SLC24A3: variants seen among roughly 807,000 people sequenced by gnomAD.
SLC24A3 encodes solute carrier family 24 member 3.
SLC24A3 carries 28 observed loss-of-function variants against 75.8 expected under a neutral mutation model. That is an observed-to-expected ratio of 0.37 (90% CI 0.27 to 0.51). The LOEUF is 0.51. Ranked by LOEUF, SLC24A3 falls within the 20% of genes least tolerant of loss-of-function variation. SLC24A3 has a pLI of 0.94. For missense variants in SLC24A3, 663 were observed against 847.8 expected (o/e 0.78, Z 2.71); for synonymous variants, 372 against 334.1 (o/e 1.11, Z -1.24).
chr20:19,712,396 C>G (rs1181785900), intron 15 of SLC24A3, among the ~76,000 whole-genome samples: 2 of 151,964 alleles, frequency 1.3e-5, no homozygotes, highest in African/African-American at 4.8e-5. Context: ...ATGCCCCAAC[C>G]CAAGCACAAG....
intron 2 of SLC24A3, among the ~76,000 whole-genome samples, chr20:19,405,848 T>C (rs1324619771): frequency 1.3e-5 from 2 of 152,198 alleles, no homozygotes; most frequent in African/African-American, 4.8e-5. Context: ...TTTTGGCAGG[T>C]GTAGAAGGAA....
chr20:19,304,207 C>A lies in SLC24A3; in HGVS notation c.271+23120C>A, dbSNP rs1318915279. On this transcript the variant is annotated intron_variant, in intron 2 of 16. Transcript: ENST00000328041. Reference sequence around the variant, plus strand: ...ACATTAATCAAGTTTTACAAATTTACCAAAAGATGTTCTAATTTCTGCTAC... The same window carrying A: ...ACATTAATCAAGTTTTACAAATTTAACAAAAGATGTTCTAATTTCTGCTAC... Among the ~76,000 whole-genome samples the A allele has an allele frequency of 2.6e-5, 4 of 152,132 alleles. No individual in the cohort carries two copies. In the East Asian group the frequency reaches 7.7e-4, roughly 29 times the overall value.
intron 1 of SLC24A3, 49 bp from the exon 2 acceptor site, chr20:19,280,910 C>T (rs1367673001): frequency 6.3e-7 from 1 of 1,597,458 alleles, no homozygotes; most frequent in South Asian, 1.1e-5. Context: ...TCGGCAGAGG[C>T]TGAAACCCAG....
chr20:19,370,548 G>C (rs1985974638), intron 2 of SLC24A3, among the ~76,000 whole-genome samples: 1 of 152,236 alleles, frequency 6.6e-6, no homozygotes, highest in Non-Finnish European at 1.5e-5. Flanking sequence ...CCGTGGATTG[G>C]AGTATCCATT....
At chr20:19,313,771 T>C (rs1184398895) in intron 2 of SLC24A3, among the ~76,000 whole-genome samples, 1 of 152,046 alleles carries the variant, frequency 6.6e-6, no homozygotes, top group African/African-American at 2.4e-5. Context: ...CACGGTGATA[T>C]GGGGCAAGTT....
chr20:19,639,327 A>C (rs1445090788), intron 6 of SLC24A3, among the ~76,000 whole-genome samples: 1 of 151,620 alleles, frequency 6.6e-6, no homozygotes, highest in Non-Finnish European at 1.5e-5. Flanking sequence ...CAGAGTGCTG[A>C]TTGGTGTATT....
chr20:19,535,321 A>T (rs566308955), intron 3 of SLC24A3, among the ~76,000 whole-genome samples: 1 of 152,204 alleles, frequency 6.6e-6, no homozygotes, highest in Admixed American at 6.5e-5. Context: ...TGCCTTTCTC[A>T]TGTTTCTGTA....
intron 2 of SLC24A3, among the ~76,000 whole-genome samples, chr20:19,341,804 A>G (rs1985278739): frequency 6.6e-6 from 1 of 152,176 alleles, no homozygotes; most frequent in Non-Finnish European, 1.5e-5. Flanking sequence ...CAATGAAGGT[A>G]TGACCATCTA....
intron 2 of SLC24A3, among the ~76,000 whole-genome samples, chr20:19,498,537 C>T (rs1988332009): frequency 6.6e-6 from 1 of 152,106 alleles, no homozygotes; most frequent in Non-Finnish European, 1.5e-5. Context: ...CCCTATGCAG[C>T]CTCACTCACT....
chr20:19,622,111 G>A (rs1476608844), intron 6 of SLC24A3, among the ~76,000 whole-genome samples: 1 of 152,170 alleles, frequency 6.6e-6, no homozygotes, highest in African/African-American at 2.4e-5. Flanking sequence ...AAGAAGTAAA[G>A]GACTTCAGTG....
chr20:19,431,068 G>T (rs1987093200), intron 2 of SLC24A3, among the ~76,000 whole-genome samples: 1 of 152,080 alleles, frequency 6.6e-6, no homozygotes. Flanking sequence ...GGGCAGTAGA[G>T]CAGCTTTTAT....
intron 3 of SLC24A3, among the ~76,000 whole-genome samples, chr20:19,574,621 G>C (rs2031102454): frequency 6.6e-6 from 1 of 152,190 alleles, no homozygotes; most frequent in Admixed American, 6.5e-5. Context: ...TCCTCCAGCA[G>C]GCTAGCTTGG....
intron 2 of SLC24A3, among the ~76,000 whole-genome samples, chr20:19,346,656 A>G (rs1012417973): frequency 2.0e-5 from 3 of 152,114 alleles, no homozygotes; most frequent in African/African-American, 7.2e-5. Context: ...ATGCAAAGGC[A>G]TAAGAATGAT....
At chr20:19,515,638 G>A in intron 3 of SLC24A3, 74 bp downstream of exon 3, 2 of 1,465,514 alleles carry the variant, frequency 1.4e-6, no homozygotes, top group Non-Finnish European at 1.9e-6. Flanking sequence ...GGCACCTGAG[G>A]TGCCCCCAGT....
intron 2 of SLC24A3, among the ~76,000 whole-genome samples, chr20:19,336,548 G>T (rs1277903380): frequency 6.6e-6 from 1 of 152,030 alleles, no homozygotes; most frequent in African/African-American, 2.4e-5. Context: ...ACCACACCTG[G>T]ATAATTTTTG....
intron 2 of SLC24A3, among the ~76,000 whole-genome samples, chr20:19,309,582 G>A (rs1568585488): frequency 6.6e-6 from 1 of 152,136 alleles, no homozygotes; most frequent in South Asian, 2.1e-4. Flanking sequence ...TTTGGAAAAC[G>A]CTGGCCTAGA....
intron 2 of SLC24A3, among the ~76,000 whole-genome samples, chr20:19,503,478 T>C (rs1821501207): frequency 1.3e-5 from 2 of 152,234 alleles, no homozygotes; most frequent in African/African-American, 4.8e-5. Context: ...AATCAAGTTC[T>C]AATCTACCCT....
intron 2 of SLC24A3, among the ~76,000 whole-genome samples, chr20:19,418,077 C>T (rs1262566152): frequency 6.6e-6 from 1 of 152,174 alleles, no homozygotes; most frequent in African/African-American, 2.4e-5. Flanking sequence ...TTCACAGAAA[C>T]AGAGCTTTCA....
chr20:19,661,583 CTT>C (rs1292799358), intron 7 of SLC24A3, among the ~76,000 whole-genome samples: 1 of 152,172 alleles, frequency 6.6e-6, no homozygotes, highest in Non-Finnish European at 1.5e-5. Context: ...GTTTCAGTCT[CTT>C]GAAAGAAAAC....
Sources: gnomAD v4.1 joint callset for allele counts (sites outside exome capture counted in the v4.1 genomes callset) on GRCh38, gnomAD v4.1.1 for gene constraint, MANE v1.5 for transcripts, NCBI Gene and HGNC (gene_info 2026-07-23, HGNC 2026-07-21) for gene names.